MFNG: variants seen among roughly 807,000 people sequenced by gnomAD.
MFNG encodes MFNG O-fucosylpeptide 3-beta-N-acetylglucosaminyltransferase, also known as beta-1,3-N-acetylglucosaminyltransferase manic fringe.
Under a neutral mutation model 34.2 loss-of-function variants are expected in MFNG, and 24 were observed. The ratio of observed to expected loss-of-function variants is 0.70; its 90% confidence interval spans 0.51 to 0.99. MFNG has a LOEUF of 0.99. MFNG is among the 50% of genes least tolerant of loss of function. The pLI, the probability that MFNG is intolerant of heterozygous loss-of-function variation, is 0.00. For missense variants in MFNG, 383 were observed against 424.0 expected (o/e 0.90, Z 0.85); for synonymous variants, 158 against 179.2 (o/e 0.88, Z 0.94).
chr22:37,474,571 G>C lies in MFNG; in HGVS notation c.754C>G (p.Leu252Val). 2 of 1,614,218 alleles carry C rather than the reference G, an allele frequency of 1.2e-6. No individual in the cohort carries two copies. Among genetic ancestry groups the C allele is most frequent in the Non-Finnish European group, 1.7e-6 (2 of 1,180,028 alleles). ...KLGGRLQPSPLFHSHLETLQL... is the reference protein window; with the variant it reads ...KLGGRLQPSPVFHSHLETLQL... Reference sequence around the variant, plus strand: ...AGGGTCTCCAGGTGGGAGTGAAAGAGGGGGCTGGGCTGCAGGCGGCCGCCC... The same window carrying C: ...AGGGTCTCCAGGTGGGAGTGAAAGACGGGGCTGGGCTGCAGGCGGCCGCCC... The change falls in exon 6 of 8, where the codon CTC (leucine) becomes GTC (valine). Residue 252 changes from leucine to valine, a missense_variant. Leu to Val is a conservative substitution (Grantham distance 32). Coordinates refer to ENST00000356998, the MANE Select transcript of MFNG (RefSeq NM_002405.4).
At chr22:37,480,160 A>G in intron 3 of MFNG, 37 bp downstream of exon 3, 1 of 1,548,554 alleles carries the variant, frequency 6.5e-7, no homozygotes, top group Non-Finnish European at 8.9e-7. Flanking sequence ...CACTGGGCCC[A>G]GACCACACTT....
intron 7 of MFNG, among the ~76,000 whole-genome samples, chr22:37,470,810 C>G (rs1921771867): frequency 6.6e-6 from 1 of 152,204 alleles, no homozygotes; most frequent in Non-Finnish European, 1.5e-5. Context: ...CGTCCCCAAC[C>G]AAATTTGACA....
At chr22:37,474,752 C>T in intron 5 of MFNG, 75 bp from the exon 6 acceptor site, 1 of 1,482,598 alleles carries the variant, frequency 6.7e-7, no homozygotes. Flanking sequence ...CCCATGAAGG[C>T]CCTCCACTGG....
chr22:37,480,438 G>C (rs1922241910), intron 2 of MFNG, 139 bp from the exon 3 acceptor site: 1 of 720,390 alleles, frequency 1.4e-6, no homozygotes, highest in African/African-American at 1.8e-5. Context: ...GTAGGACTGA[G>C]ACCCGGGGAA....
Position 37,472,472 on chromosome 22 carries a change from G to C in MFNG, c.870C>G (p.Gly290=). Residue 290 remains glycine, a synonymous_variant, in exon 7 of 8, where the codon GGC becomes GGG. Transcript: ENST00000356998. ...EGKLNVIKLQ[G]PFSPEEDPSR... is the part of the protein sequence containing the mutation. Reference sequence around the variant, plus strand: ...AGGGGTCCTCCTCCGGGGAGAAGGGGCCCTGTAGCTTAATGACGTTGAGTT... The same window carrying C: ...AGGGGTCCTCCTCCGGGGAGAAGGGCCCCTGTAGCTTAATGACGTTGAGTT... 6.3e-7 allele frequency: 1 copy of C among 1,583,936 alleles called. No individual in the cohort carries two copies. The highest frequency in any genetic ancestry group is 1.1e-5 in the South Asian group (1 of 87,310).
At position 37,480,701 on chromosome 22, in the gene MFNG, C is replaced by A; in HGVS notation, c.304+20G>T. On this transcript the variant is annotated intron_variant, in intron 2 of 7. Coordinates refer to ENST00000356998, the MANE Select transcript of MFNG (RefSeq NM_002405.4). ...GCAACAGCTAAAGTCCCCCACCACA[C>A]CCAGGCCGGGCAGAGTTACCCAGTC... 1 of 1,612,494 alleles carries A rather than the reference C, an allele frequency of 6.2e-7. No homozygotes were observed. The highest frequency in any genetic ancestry group is 1.1e-5 in the South Asian group (1 of 90,724).
chr22:37,485,769 C>A lies in MFNG; in HGVS notation c.255+154G>T. 9.8e-7 allele frequency: 1 copy of A among 1,024,116 alleles called. No homozygotes were observed. The highest frequency in any genetic ancestry group is 1.4e-6 in the Non-Finnish European group (1 of 719,828). 63.4% of individuals were successfully genotyped at this position (1,024,116 alleles called of 1,614,324 possible). Reference sequence around the variant, plus strand: ...CAGGGCCGCAGGCAGCCCCTAAAGCCCGGAAGAAGGAGAGAGGAAGAGGAT... The same window carrying A: ...CAGGGCCGCAGGCAGCCCCTAAAGCACGGAAGAAGGAGAGAGGAAGAGGAT... On this transcript the variant is annotated intron_variant, in intron 1 of 7. Coordinates refer to ENST00000356998, the MANE Select transcript of MFNG (RefSeq NM_002405.4). The surrounding 1 kb of genome is among the most constrained non-coding windows in gnomAD (Gnocchi z 5.3).
At position 37,472,460 on chromosome 22, in the gene MFNG, CG is replaced by C; in HGVS notation, c.881del (p.Pro294ArgfsTer31). ...AGACCCACCTGGAGGGGTCCTCCTC[CG>C]GGGAGAAGGGGCCCTGTAGCTTAAT... Reference protein sequence around the residue: ...NVIKLQGPFSPEEDPSRFRSL... With the variant: ...NVIKLQGPFSXEEDPSRFRSL... On this transcript the variant is annotated frameshift_variant, in exon 7 of 8. Transcript: ENST00000356998. LOFTEE classifies it high-confidence loss of function. 6.3e-7 allele frequency: 1 copy of C among 1,583,160 alleles called. No homozygotes were observed. The highest frequency in any genetic ancestry group is 8.6e-7 in the Non-Finnish European group (1 of 1,168,216).
chr22:37,478,532 C>T (rs1216948483), intron 4 of MFNG, among the ~76,000 whole-genome samples: 1 of 152,138 alleles, frequency 6.6e-6, no homozygotes, highest in East Asian at 1.9e-4. Flanking sequence ...GGGTACAGAG[C>T]CCCCTGTTTT....
Position 37,486,106 on chromosome 22 carries a change from CAG to C in MFNG, c.70_71del (p.Leu24AlafsTer26). 1.2e-6 allele frequency: 2 copies of C among 1,612,600 alleles called. No homozygotes were observed. The highest frequency in any genetic ancestry group is 1.7e-6 in the Non-Finnish European group (2 of 1,179,104). ...GCGGGGACAGGTTCAAGTGGTACCGCAGACACAGGAGCCCCATGCACAGGAGG... is the reference window on the plus strand; with the variant it reads ...GCGGGGACAGGTTCAAGTGGTACCGCACACAGGAGCCCCATGCACAGGAGG... ...LTLLCMGLLC[L>X]RYHLNLSPQR... On this transcript the variant is annotated frameshift_variant, in exon 1 of 8. Coordinates refer to ENST00000356998, the MANE Select transcript of MFNG (RefSeq NM_002405.4). LOFTEE classifies it high-confidence loss of function.
At chr22:37,480,360 A>G (rs776571971) in intron 2 of MFNG, 61 bp from the exon 3 acceptor site, 1 of 1,306,170 alleles carries the variant, frequency 7.7e-7, no homozygotes, top group South Asian at 1.2e-5. Flanking sequence ...AGCCCTGAAC[A>G]CAGAATACAG....
intron 2 of MFNG, 50 bp downstream of exon 2, chr22:37,480,671 C>G: frequency 6.3e-7 from 1 of 1,580,762 alleles, no homozygotes; most frequent in Non-Finnish European, 8.7e-7. Context: ...CCCCAGCTTT[C>G]CCAGGCAACA....
intron 3 of MFNG, among the ~76,000 whole-genome samples, chr22:37,479,749 A>G (rs762832746): frequency 1.3e-5 from 2 of 152,170 alleles, no homozygotes; most frequent in Non-Finnish European, 2.9e-5. Context: ...CACGCCTGTA[A>G]GCCCAGCACT....
chr22:37,476,581 A>T (rs920533337), intron 5 of MFNG, among the ~76,000 whole-genome samples: 11 of 152,156 alleles, frequency 7.2e-5, no homozygotes, highest in Non-Finnish European at 1.2e-4. Context: ...GGGCCAGCCC[A>T]GACATTTTCT....
intron 6 of MFNG, 171 bp from the exon 7 acceptor site, chr22:37,472,699 G>A: frequency 3.6e-6 from 2 of 559,992 alleles, no homozygotes; most frequent in Non-Finnish European, 6.1e-6. Context: ...GCACTTCACA[G>A]CTGGAAGAGC....
chr22:37,473,050 G>A (rs1921880760), intron 6 of MFNG, among the ~76,000 whole-genome samples: 1 of 152,154 alleles, frequency 6.6e-6, no homozygotes, highest in Non-Finnish European at 1.5e-5. Flanking sequence ...GTGTGCCGTG[G>A]TCAGTTCAGC....
rs57503927 is a variant in MFNG at position 37,479,288 on chromosome 22, C to T, written c.561+57G>A. 2,093 of 1,486,426 alleles carry T rather than the reference C, an allele frequency of 1.4e-3. 22 individuals carry two copies. In the African/African-American group the frequency reaches 0.027, roughly 19 times the overall value. The allele number at this position is 1,486,426 out of a possible 1,614,324, so 92.1% of individuals were successfully genotyped here. A position where few individuals can be genotyped will look rare whatever the true frequency, so the allele number is the denominator to read the frequency against. ...TCTAGCACACCCCCACCCCCAGGACCGGCCCGGCCCTTGGGATCAGCGGGC... is the reference window on the plus strand; with the variant it reads ...TCTAGCACACCCCCACCCCCAGGACTGGCCCGGCCCTTGGGATCAGCGGGC... On this transcript the variant is annotated intron_variant, in intron 4 of 7. Coordinates refer to ENST00000356998, the MANE Select transcript of MFNG (RefSeq NM_002405.4).
At chr22:37,478,068 A>AC (rs1448992388) in intron 4 of MFNG, among the ~76,000 whole-genome samples, 2 of 152,008 alleles carry the variant, frequency 1.3e-5, no homozygotes, top group African/African-American at 4.8e-5. Flanking sequence ...AGCCTGGGGG[A>AC]CCCCCTGGCT....
rs1294939309 is a variant in MFNG, at chr22:37,482,874, G to A, written c.256-2105C>T. Among the ~76,000 whole-genome samples the A allele has an allele frequency of 6.6e-6, 1 of 152,134 alleles. No homozygotes were observed. Among genetic ancestry groups the A allele is most frequent in the African/African-American group, 2.4e-5 (1 of 41,426 alleles). On this transcript the variant is annotated intron_variant, in intron 1 of 7. Transcript: ENST00000356998. This position sits in a 1 kb window ranked among gnomAD's most constrained non-coding sequence, Gnocchi z 4.1. ...TGGAGGTCTCTGGATTTCCGCAGGG[G>A]GAAATGGTGGTGGTCCAAGCCTAGA...
Sources: gnomAD v4.1 joint callset for allele counts (sites outside exome capture counted in the v4.1 genomes callset) on GRCh38, gnomAD v4.1.1 for gene constraint, Gnocchi (gnomAD v3.1) non-coding constraint, MANE v1.5 for transcripts, NCBI Gene and HGNC (gene_info 2026-07-23, HGNC 2026-07-21) for gene names.